Variants in PPL observed in about 807,000 individuals in gnomAD.
The protein encoded by PPL is 190 kDa paraneoplastic pemphigus antigen.
PPL carries 198 observed loss-of-function variants against 194.4 expected under a neutral mutation model. The observed-to-expected ratio is 1.02, with a 90% CI of 0.91 to 1.15. The LOEUF (loss-of-function observed/expected upper bound fraction) is 1.15. Among genes scored for constraint, PPL ranks in the 50% most tolerant of loss-of-function variants. The probability of loss-of-function intolerance (pLI) is 0.00; values close to 1 mark genes in which losing one functional copy is unlikely to be tolerated. For synonymous variants in PPL, 1,220 were observed against 972.4 expected (o/e 1.25, Z -4.74); for missense variants, 2,885 against 2,294.8 (o/e 1.26, Z -5.25).
In PPL at chr16:4,893,351, C is replaced by A. The variant is rs202139099; in HGVS notation, c.1512G>T (p.Gly504=). 3.0e-5 allele frequency: 49 copies of A among 1,607,700 alleles called. No homozygotes were observed. The Admixed American group carries it at 8.2e-4, about 27-fold the overall frequency. ...ENPGDASDLQ[G]RQLLAGLDKV... is the part of the protein sequence containing the mutation. Reference sequence around the variant, plus strand: ...TGTCCAAGCCAGCCAGCAGCTGCCGCCCCTGTAGGTCAGAGGCATCTGTGG... The same window carrying A: ...TGTCCAAGCCAGCCAGCAGCTGCCGACCCTGTAGGTCAGAGGCATCTGTGG... The change falls in exon 14 of 22, where the codon GGG becomes GGT. Residue 504 remains glycine, a synonymous_variant. Coordinates refer to ENST00000345988, the MANE Select transcript of PPL (RefSeq NM_002705.5).
intron 14 of PPL, 25 bp downstream of exon 14, chr16:4,893,188 A>C (rs1047878506): frequency 2.0e-6 from 3 of 1,519,472 alleles, no homozygotes; most frequent in Non-Finnish European, 2.6e-6. Context: ...CCCCGGCCCC[A>C]CCTGTGCTCC....
intron 14 of PPL, 117 bp from the exon 15 acceptor site, chr16:4,892,330 C>A (rs1011646188): frequency 2.9e-5 from 34 of 1,158,734 alleles, no homozygotes; most frequent in Admixed American, 2.3e-4. Flanking sequence ...GCTGGAGAGG[C>A]CTGGCACATT....
chr16:4,917,751 AAT>A (rs1489600360), intron 1 of PPL, among the ~76,000 whole-genome samples: 1 of 151,950 alleles, frequency 6.6e-6, no homozygotes, highest in Non-Finnish European at 1.5e-5. Flanking sequence ...AAATACAAAA[AAT>A]TAGCTGGGCA....
rs369405037 is a variant in PPL at position 4,898,011 on chromosome 16, G to T, written c.877-241C>A. Among the ~76,000 whole-genome samples the T allele has an allele frequency of 2.8e-4, 42 of 152,362 alleles. No individual in the cohort carries two copies. The South Asian group carries it at 8.5e-3, about 31-fold the overall frequency. ...GCCCAGGCTGTGCAGTGCACAAAGGGCAAGTGGGGGCTGTGGTGCCTTCGG... is the reference window on the plus strand; with the variant it reads ...GCCCAGGCTGTGCAGTGCACAAAGGTCAAGTGGGGGCTGTGGTGCCTTCGG... On this transcript the variant is annotated intron_variant, in intron 8 of 21. Coordinates refer to ENST00000345988, the MANE Select transcript of PPL (RefSeq NM_002705.5).
chr16:4,888,225 G>T lies in PPL; in HGVS notation c.2398-7C>A. ...CTGCTTCTAACTCATAGTCCTGCATGAGGGAGAGACATGGCAGAGGGGAGA... is the reference window on the plus strand; with the variant it reads ...CTGCTTCTAACTCATAGTCCTGCATTAGGGAGAGACATGGCAGAGGGGAGA... On this transcript the variant is annotated splice_region_variant and splice_polypyrimidine_tract_variant and intron_variant, in intron 19 of 21. Transcript: ENST00000345988. The T allele has an allele frequency of 6.4e-7, 1 of 1,573,594 alleles. No homozygotes were observed. Among genetic ancestry groups the T allele is most frequent in the Non-Finnish European group, 8.7e-7 (1 of 1,143,176 alleles).
At position 4,889,035 on chromosome 16, in the gene PPL, C is replaced by T. The variant is rs916046537; in HGVS notation, c.2340G>A (p.Arg780=). The change falls in exon 19 of 22, where the codon AGG becomes AGA. Residue 780 remains arginine (R), a synonymous_variant. Transcript: ENST00000345988. ...CACAGATCTTCTGTACTTCCTGCTC[C>T]CTACTTGCTATCTCATCTAGCAGGT... ...QKNLLDEIAS[R]EQEVQKICAN... The T allele has an allele frequency of 1.1e-5, 18 of 1,613,574 alleles. No individual in the cohort carries two copies. The highest frequency in any genetic ancestry group is 1.7e-5 in the Admixed American group (1 of 59,978).
chr16:4,909,057 G>A (rs1312218053), intron 2 of PPL, among the ~76,000 whole-genome samples: 1 of 152,186 alleles, frequency 6.6e-6, no homozygotes, highest in Non-Finnish European at 1.5e-5. Flanking sequence ...GGTGTGGGGT[G>A]GCCAGGCAGA....
At position 4,883,887 on chromosome 16, in the gene PPL, C is replaced by A. The variant is rs754374500; in HGVS notation, c.4768G>T (p.Ala1590Ser). Residue 1590 changes from alanine to serine, a missense_variant, in exon 22 of 22, where the codon GCG becomes TCG. Coordinates refer to ENST00000345988, the MANE Select transcript of PPL (RefSeq NM_002705.5). This position sits in a 1 kb window ranked among gnomAD's most constrained non-coding sequence, Gnocchi z 4.8. ...TTCCGCAGGTCTCGTGTTTCCGTCG[C>A]TGCCATGTTGATTTCCGATTGGAGC... ...RRLQSEINMA[A>S]TETRDLRNMT... is the part of the protein sequence containing the mutation. 3 of 1,614,000 alleles carry A rather than the reference C, an allele frequency of 1.9e-6. No homozygotes were observed. The highest frequency in any genetic ancestry group is 2.5e-6 in the Non-Finnish European group (3 of 1,180,034).
At position 4,902,277 on chromosome 16, in the gene PPL, A is replaced by G. The variant is rs994521917; in HGVS notation, c.438+129T>C. On this transcript the variant is annotated intron_variant, in intron 4 of 21. Coordinates refer to ENST00000345988, the MANE Select transcript of PPL (RefSeq NM_002705.5). This position sits in a 1 kb window ranked among gnomAD's most constrained non-coding sequence, Gnocchi z 4.0. ...ACTCTTCTCATGGGCACACTGGAAA[A>G]CCATCAGGACCACGACTGTCTCCCT... is the stretch of plus-strand genomic sequence containing the variant. 2.1e-6 allele frequency: 3 copies of G among 1,421,550 alleles called. No homozygotes were observed. Among genetic ancestry groups the G allele is most frequent in the African/African-American group, 2.9e-5 (2 of 70,040 alleles). 88.1% of individuals were successfully genotyped at this position (1,421,550 alleles called of 1,614,324 possible).
Position 4,902,647 on chromosome 16 carries a change from G to C in PPL, c.318-121C>G, listed in dbSNP as rs1439990585. On this transcript the variant is annotated intron_variant, in intron 3 of 21. Coordinates refer to ENST00000345988, the MANE Select transcript of PPL (RefSeq NM_002705.5). This position sits in a 1 kb window ranked among gnomAD's most constrained non-coding sequence, Gnocchi z 4.0. Reference sequence around the variant, plus strand: ...AAGGACACAGTGACCATATGGCCTTGGGTTCCAGACAATCACAGCATCCTC... The same window carrying C: ...AAGGACACAGTGACCATATGGCCTTCGGTTCCAGACAATCACAGCATCCTC... 3.4e-6 allele frequency: 4 copies of C among 1,169,986 alleles called. No individual in the cohort carries two copies. The highest frequency in any genetic ancestry group is 1.6e-5 in the African/African-American group (1 of 63,552). The allele number at this position is 1,169,986 out of a possible 1,614,324, so 72.5% of individuals were successfully genotyped here.
In PPL at chr16:4,883,988, T is replaced by A; in HGVS notation, c.4667A>T (p.Lys1556Met). Residue 1556 changes from lysine (K) to methionine (M), a missense_variant, in exon 22 of 22, where the codon AAG becomes ATG. Lys to Met is a moderately conservative substitution (Grantham distance 95). Coordinates refer to ENST00000345988, the MANE Select transcript of PPL (RefSeq NM_002705.5). This position sits in a 1 kb window ranked among gnomAD's most constrained non-coding sequence, Gnocchi z 4.8. ...CTCTTCCCTCAGAAAGTCTAGTTCC[T>A]TGGATGACTTGGAGTTATGGAATTC... is the stretch of plus-strand genomic sequence containing the variant. ...ELEFHNSKSS[K>M]ELDFLREENH... 1 of 1,614,056 alleles carries A rather than the reference T, an allele frequency of 6.2e-7. No homozygotes were observed. The highest frequency in any genetic ancestry group is 8.5e-7 in the Non-Finnish European group (1 of 1,180,024).
intron 2 of PPL, among the ~76,000 whole-genome samples, chr16:4,908,663 A>T (rs151268221): frequency 6.6e-6 from 1 of 152,180 alleles, no homozygotes; most frequent in East Asian, 1.9e-4. Flanking sequence ...TCAGCCTCCC[A>T]AGGAGCTGGG....
intron 1 of PPL, among the ~76,000 whole-genome samples, chr16:4,922,841 C>T (rs543764506): frequency 5.9e-5 from 9 of 152,268 alleles, no homozygotes; most frequent in South Asian, 4.1e-4. Flanking sequence ...GTTGCCTTGC[C>T]GGGGCACGTG....
intron 1 of PPL, among the ~76,000 whole-genome samples, chr16:4,920,618 A>G (rs1201893079): frequency 6.6e-6 from 1 of 152,044 alleles, no homozygotes; most frequent in African/African-American, 2.4e-5. Context: ...GCACGCCACC[A>G]TGCCTGGCTA....
chr16:4,892,250 C>A, intron 14 of PPL, 37 bp from the exon 15 acceptor site: 2 of 1,587,370 alleles, frequency 1.3e-6, no homozygotes, highest in Non-Finnish European at 1.7e-6. Flanking sequence ...TGGACACAGC[C>A]AGGCAGCCCC....
chr16:4,900,979 G>T lies in PPL; in HGVS notation c.549C>A (p.Ala183=). The T allele has an allele frequency of 6.2e-7, 1 of 1,614,152 alleles. No individual in the cohort carries two copies. The highest frequency in any genetic ancestry group is 8.5e-7 in the Non-Finnish European group (1 of 1,180,026). The stretch of plus-strand genomic sequence containing the variant: ...CACGCCCCACCTTGTCCCCGTCCTT[G>T]GCCAGGTGGGGCCCGATGGCCTTGA... ...NEVKAIGPHL[A]KDGDKEQNSE... The change falls in exon 5 of 22, where the codon GCC becomes GCA. Residue 183 remains alanine, a synonymous_variant. Coordinates refer to ENST00000345988, the MANE Select transcript of PPL (RefSeq NM_002705.5).
At chr16:4,926,692 G>T (rs974964442) in intron 1 of PPL, among the ~76,000 whole-genome samples, 2 of 151,968 alleles carry the variant, frequency 1.3e-5, no homozygotes, top group Non-Finnish European at 2.9e-5. Flanking sequence ...TGGCTAACAT[G>T]GTGAAACCCC....
At chr16:4,892,004 C>A (rs1468368995) in intron 15 of PPL, 31 bp downstream of exon 15, 3 of 1,611,242 alleles carry the variant, frequency 1.9e-6, no homozygotes, top group Admixed American at 3.3e-5. Context: ...TGACCCCACC[C>A]CAACCTCCAT....
chr16:4,907,875 G>A (rs1481239930), intron 2 of PPL, among the ~76,000 whole-genome samples: 1 of 152,110 alleles, frequency 6.6e-6, no homozygotes, highest in Admixed American at 6.6e-5. Context: ...AAAAAAATAG[G>A]CCGGGTGCAG....
Sources: allele counts gnomAD v4.1 joint callset (sites outside exome capture counted in the v4.1 genomes callset), GRCh38; gene constraint gnomAD v4.1.1; non-coding constraint Gnocchi (gnomAD v3.1); transcripts MANE v1.5; gene names NCBI Gene and HGNC (gene_info 2026-07-23, HGNC 2026-07-21).